EDNRA: variants seen among roughly 807,000 people sequenced by gnomAD.
The protein encoded by EDNRA is endothelin receptor type A.
EDNRA carries 11 observed loss-of-function variants against 41.4 expected under a neutral mutation model. That is an observed-to-expected ratio of 0.27 (90% confidence interval 0.17 to 0.44). The LOEUF (loss-of-function observed/expected upper bound fraction) is 0.44. Among genes scored for constraint, EDNRA ranks in the 20% least tolerant of loss-of-function variants. EDNRA has a pLI of 1.00. For synonymous variants in EDNRA, 172 were observed against 183.0 expected, an observed-to-expected ratio of 0.94 and a Z score of 0.49; for missense variants, 294 against 531.0, an observed-to-expected ratio of 0.55 and a Z score of 4.39.
chr4:147,517,499 C>A (rs555871213), intron 2 of EDNRA, among the ~76,000 whole-genome samples: 1 of 152,326 alleles, frequency 6.6e-6, no homozygotes, highest in South Asian at 2.1e-4. Flanking sequence ...ACCTAATTTC[C>A]TCCTAGCAGC....
At chr4:147,526,457 C>A (rs901724067) in intron 3 of EDNRA, among the ~76,000 whole-genome samples, 3 of 152,142 alleles carry the variant, frequency 2.0e-5, no homozygotes, top group Non-Finnish European at 4.4e-5. Context: ...CCCATCTCCC[C>A]CTCCATGTAG....
chr4:147,542,374 T>C (rs1731135063), intron 7 of EDNRA, 104 bp from the exon 8 acceptor site: 2 of 1,509,372 alleles, frequency 1.3e-6, no homozygotes, highest in Admixed American at 3.7e-5. Context: ...TTCCCTCGAA[T>C]GCGAATGGAC....
chr4:147,540,739 C>G lies in EDNRA; in HGVS notation c.1143+254C>G, dbSNP rs913001420. Among the ~76,000 whole-genome samples the G allele has an allele frequency of 2.6e-5, 4 of 152,098 alleles. No homozygotes were observed. In the South Asian group the frequency reaches 6.2e-4, roughly 24 times the overall value. ...CTAAATCACATGCCAGTTTAGAACC[C>G]TCCTTTAGAGAGAAATGTTTCAATG... On this transcript the variant is annotated intron_variant, in intron 7 of 7. Coordinates refer to ENST00000651419, the MANE Select transcript of EDNRA (RefSeq NM_001957.4).
At chr4:147,501,166 T>C (rs1729504956) in intron 2 of EDNRA, among the ~76,000 whole-genome samples, 1 of 152,258 alleles carries the variant, frequency 6.6e-6, no homozygotes, top group Non-Finnish European at 1.5e-5. Context: ...TAATGAAGTA[T>C]ATTTTTCTTA....
intron 3 of EDNRA, among the ~76,000 whole-genome samples, chr4:147,524,575 A>G (rs1269129783): frequency 6.6e-6 from 1 of 152,234 alleles, no homozygotes; most frequent in African/African-American, 2.4e-5. Context: ...CCAAGAATCT[A>G]TCTCATTAAG....
chr4:147,516,806 G>A (rs537360621), intron 2 of EDNRA, among the ~76,000 whole-genome samples: 6 of 152,166 alleles, frequency 3.9e-5, no homozygotes, highest in Non-Finnish European at 7.4e-5. Context: ...CATGGTCTAG[G>A]ATGTATTCTC....
intron 2 of EDNRA, among the ~76,000 whole-genome samples, chr4:147,517,108 G>A (rs532385061): frequency 2.0e-5 from 3 of 152,288 alleles, no homozygotes; most frequent in Non-Finnish European, 2.9e-5. Flanking sequence ...GACTGGAAGG[G>A]AGACTTAACT....
At chr4:147,541,067 CAAAAAAAAAAAAAA>C (rs10551607) in intron 7 of EDNRA, among the ~76,000 whole-genome samples, 27 of 46,166 alleles carry the variant, frequency 5.8e-4, no homozygotes, top group African/African-American at 1.5e-3. Context: ...GACTCAGTCT[CAAAAAAAAAAAAAA>C]AAAAAAAAAA....
intron 2 of EDNRA, chr4:147,495,743 A>G (rs1189386354): frequency 2.0e-5 from 3 of 152,246 alleles, no homozygotes; most frequent in East Asian, 1.9e-4. Context: ...ATGAATGTCT[A>G]TGGCTAGCCC....
intron 3 of EDNRA, among the ~76,000 whole-genome samples, chr4:147,523,549 G>A (rs185939001): frequency 4.8e-4 from 72 of 149,834 alleles, no homozygotes; most frequent in Middle Eastern, 3.4e-3. Context: ...AGAGTGCAGT[G>A]GCTTGATCTC....
intron 2 of EDNRA, among the ~76,000 whole-genome samples, chr4:147,496,981 C>T (rs1421418078): frequency 1.3e-5 from 2 of 151,898 alleles, no homozygotes; most frequent in African/African-American, 2.4e-5. Context: ...ATAATGATAT[C>T]TGTCATATTT....
rs1578800527 is a variant in EDNRA at position 147,519,009 on chromosome 4, G to A, written c.421-842G>A. On this transcript the variant is annotated intron_variant, in intron 2 of 7. Transcript: ENST00000651419. The surrounding 1 kb of genome is among the most constrained non-coding windows in gnomAD (Gnocchi z 4.1). Reference sequence around the variant, plus strand: ...GCTATTGTTATGTGTCTGCTACCCAGCACAGCCACTAGAGGGTGTCCACTC... The same window carrying A: ...GCTATTGTTATGTGTCTGCTACCCAACACAGCCACTAGAGGGTGTCCACTC... Among the ~76,000 whole-genome samples, 1 of 152,180 alleles carries A rather than the reference G, an allele frequency of 6.6e-6. No individual in the cohort carries two copies. The highest frequency in any genetic ancestry group is 2.4e-5 in the African/African-American group (1 of 41,448).
chr4:147,537,648 C>G (rs1005810277), intron 5 of EDNRA, among the ~76,000 whole-genome samples: 5 of 152,072 alleles, frequency 3.3e-5, no homozygotes, highest in African/African-American at 1.2e-4. Context: ...GTTTACACAG[C>G]ATTTTTTAAG....
Position 147,535,858 on chromosome 4 carries a change from T to A in EDNRA, c.748-19T>A. ...GACTCTGCTCCTCCTTTTCTCTTTT[T>A]TTTTTTTTCACTTTGAAGTTCTACC... On this transcript the variant is annotated intron_variant, in intron 4 of 7. Transcript: ENST00000651419. The A allele has an allele frequency of 1.3e-6, 2 of 1,524,324 alleles. No individual in the cohort carries two copies. The highest frequency in any genetic ancestry group is 1.7e-6 in the Non-Finnish European group (2 of 1,148,034). The allele number at this position is 1,524,324 out of a possible 1,614,324, so 94.4% of individuals were successfully genotyped here. A position where few individuals can be genotyped will look rare whatever the true frequency, so the allele number is the denominator to read the frequency against.
At chr4:147,540,549 C>A in intron 7 of EDNRA, 64 bp downstream of exon 7, 1 of 1,105,364 alleles carries the variant, frequency 9.0e-7, no homozygotes, top group Non-Finnish European at 1.3e-6. Flanking sequence ...AGTCAACAGA[C>A]ACAGCCAATT....
At chr4:147,500,199 A>G (rs1298289117) in intron 2 of EDNRA, among the ~76,000 whole-genome samples, 2 of 152,232 alleles carry the variant, frequency 1.3e-5, no homozygotes, top group African/African-American at 4.8e-5. Context: ...CAATTGAATT[A>G]CAAGATCATA....
chr4:147,488,739 A>G (rs548601833), intron 2 of EDNRA: 1 of 152,344 alleles, frequency 6.6e-6, no homozygotes, highest in Non-Finnish European at 1.5e-5. Context: ...TCATGAGATC[A>G]TACATGTTGC....
At chr4:147,536,463 G>T (rs1302756898) in intron 5 of EDNRA, among the ~76,000 whole-genome samples, 1 of 152,202 alleles carries the variant, frequency 6.6e-6, no homozygotes, top group Non-Finnish European at 1.5e-5. Context: ...GCTATGGAAA[G>T]CCAGGAAGGG....
At chr4:147,501,951 CTG>C (rs1553975773) in intron 2 of EDNRA, among the ~76,000 whole-genome samples, 1 of 152,206 alleles carries the variant, frequency 6.6e-6, no homozygotes, top group Non-Finnish European at 1.5e-5. Flanking sequence ...AATAATTGTG[CTG>C]TCTTGCACTC....
Sources: gnomAD v4.1 joint callset for allele counts (sites outside exome capture counted in the v4.1 genomes callset) on GRCh38, gnomAD v4.1.1 for gene constraint, Gnocchi (gnomAD v3.1) non-coding constraint, MANE v1.5 for transcripts, NCBI Gene and HGNC (gene_info 2026-07-23, HGNC 2026-07-21) for gene names.